Variants in WDR72 observed in about 807,000 individuals in gnomAD.
WDR72 encodes the protein WD repeat-containing protein 72.
In WDR72, 120 loss-of-function variants were observed where a neutral mutation model predicts 124.2. That is an observed-to-expected ratio of 0.97 (90% CI 0.83 to 1.12). The LOEUF is 1.12. Among genes scored for constraint, WDR72 ranks in the 50% most tolerant of loss-of-function variants. The pLI, the probability that WDR72 is intolerant of heterozygous loss-of-function variation, is 0.00. For synonymous variants in WDR72, 452 were observed against 441.7 expected (o/e 1.02, Z -0.29); for missense variants, 1,387 against 1,278.8 (o/e 1.08, Z -1.29).
At chr15:53,746,010 G>GA (rs901139463) in intron 1 of WDR72, among the ~76,000 whole-genome samples, 1 of 152,026 alleles carries the variant, frequency 6.6e-6, no homozygotes, top group Non-Finnish European at 1.5e-5. Flanking sequence ...TCTAAAAAAA[G>GA]AAAAAAATCA....
At chr15:53,565,539 C>A (rs1001094043) in intron 18 of WDR72, among the ~76,000 whole-genome samples, 3 of 151,932 alleles carry the variant, frequency 2.0e-5, no homozygotes, top group Non-Finnish European at 2.9e-5. Context: ...ATACTATGCA[C>A]AGTTCAGCAT....
chr15:53,556,685 A>G (rs1176631992), intron 18 of WDR72, among the ~76,000 whole-genome samples: 3 of 152,130 alleles, frequency 2.0e-5, no homozygotes, highest in Non-Finnish European at 4.4e-5. Flanking sequence ...TCAAAATGCA[A>G]TATCTTGAAT....
Position 53,744,217 on chromosome 15 carries a change from G to A in WDR72, c.-12-11056C>T, listed in dbSNP as rs576349757. Among the ~76,000 whole-genome samples, 177 of 152,228 alleles carry A rather than the reference G, an allele frequency of 1.2e-3. 1 individual carries two copies. The highest frequency in any genetic ancestry group is 1.6e-3 in the Non-Finnish European group (112 of 68,018). On this transcript the variant is annotated intron_variant, in intron 1 of 19. Transcript: ENST00000360509. The stretch of plus-strand genomic sequence containing the variant: ...TATGAAGAGTTTATAGGGGTGAGAG[G>A]AACTGAAACTTTCAACCTGGTGTAT...
At position 53,523,374 on chromosome 15, in the gene WDR72, A is replaced by T. The variant is rs759449235; in HGVS notation, c.3149-52T>A. On this transcript the variant is annotated intron_variant, in intron 18 of 19. Coordinates refer to ENST00000360509, the MANE Select transcript of WDR72 (RefSeq NM_182758.4). ...AGAGACAGAAGAGAGAGGATGAAAA[A>T]GTAGTAGCAAACACCATTAAAACAT... 18 of 1,557,028 alleles carry T rather than the reference A, an allele frequency of 1.2e-5. 1 individual carries two copies. The South Asian group carries it at 1.9e-4, about 16-fold the overall frequency.
chr15:53,700,767 A>AG (rs2017147603), intron 12 of WDR72, among the ~76,000 whole-genome samples: 1 of 151,994 alleles, frequency 6.6e-6, no homozygotes, highest in Non-Finnish European at 1.5e-5. Context: ...AGAAATCGTA[A>AG]GGAAAAAAAA....
At chr15:53,627,836 C>T (rs1162078054) in intron 14 of WDR72, among the ~76,000 whole-genome samples, 1 of 152,038 alleles carries the variant, frequency 6.6e-6, no homozygotes, top group African/African-American at 2.4e-5. Context: ...ATGTTTTTCT[C>T]AATATAAATA....
intron 18 of WDR72, among the ~76,000 whole-genome samples, chr15:53,541,624 C>G (rs1190054763): frequency 6.6e-6 from 1 of 151,770 alleles, no homozygotes; most frequent in African/African-American, 2.4e-5. Flanking sequence ...TCACCAGCAA[C>G]GGAACAAAGC....
At chr15:53,622,586 G>A (rs189090784) in intron 14 of WDR72, among the ~76,000 whole-genome samples, 1 of 152,158 alleles carries the variant, frequency 6.6e-6, no homozygotes, top group East Asian at 1.9e-4. Context: ...AGAACACATG[G>A]ACACAGGAGG....
At chr15:53,726,322 T>G (rs1431715576) in intron 2 of WDR72, among the ~76,000 whole-genome samples, 1 of 77,864 alleles carries the variant, frequency 1.3e-5, no homozygotes, top group Non-Finnish European at 2.2e-5. Context: ...ATGTTAATGG[T>G]GAGGGAGACT....
At chr15:53,689,611 G>T (rs1349984258) in intron 13 of WDR72, among the ~76,000 whole-genome samples, 15 of 144,266 alleles carry the variant, frequency 1.0e-4, no homozygotes, top group African/African-American at 2.4e-4. Context: ...CTTTTACACT[G>T]TTGGTAGGAC....
At chr15:53,619,264 T>TTGTGAGTGTGTGTGTGTGTG (rs2013891568) in intron 14 of WDR72, among the ~76,000 whole-genome samples, 1 of 147,406 alleles carries the variant, frequency 6.8e-6, no homozygotes, top group Non-Finnish European at 1.5e-5. Flanking sequence ...TGCTTTATAA[T>TTGTGAGTGTGTGTGTGTGTG]TGTGTGTGTG....
intron 18 of WDR72, among the ~76,000 whole-genome samples, chr15:53,547,780 A>G (rs1893544795): frequency 6.6e-6 from 1 of 152,158 alleles, no homozygotes; most frequent in South Asian, 2.1e-4. Context: ...TCCTGTGGCC[A>G]TACTGTGGTA....
intron 13 of WDR72, among the ~76,000 whole-genome samples, chr15:53,691,661 AGATAGATAGATAGAT>A (rs938296018): frequency 7.7e-5 from 10 of 130,468 alleles, no homozygotes; most frequent in African/African-American, 3.0e-4. Flanking sequence ...ATAGATAGAT[AGATAGATAGATAGAT>A]GTTTAACAAA....
At chr15:53,686,628 C>T (rs1335392060) in intron 13 of WDR72, among the ~76,000 whole-genome samples, 2 of 149,664 alleles carry the variant, frequency 1.3e-5, no homozygotes, top group East Asian at 2.0e-4. Flanking sequence ...TTTAACACCC[C>T]ACTGTCAACG....
intron 14 of WDR72, among the ~76,000 whole-genome samples, chr15:53,647,646 G>C (rs1451164342): frequency 1.3e-5 from 2 of 152,156 alleles, no homozygotes; most frequent in Admixed American, 1.3e-4. Context: ...TGCTTCATTA[G>C]CTCTGTCTCT....
chr15:53,560,091 A>G (rs911741600), intron 18 of WDR72, among the ~76,000 whole-genome samples: 1 of 151,918 alleles, frequency 6.6e-6, no homozygotes, highest in Non-Finnish European at 1.5e-5. Flanking sequence ...GAAAAAACAG[A>G]GCCAAACAGG....
Position 53,527,096 on chromosome 15 carries a change from G to C in WDR72, c.3149-3774C>G, listed in dbSNP as rs140424313. The stretch of plus-strand genomic sequence containing the variant: ...TAATTCTTCTAGATCCTAAAGAAAT[G>C]AATTGTTTGGCCAAAGAGAAGATGA... On this transcript the variant is annotated intron_variant, in intron 18 of 19. Coordinates refer to ENST00000360509, the MANE Select transcript of WDR72 (RefSeq NM_182758.4). 1.5e-3 allele frequency among the ~76,000 whole-genome samples: 221 copies of C among 152,178 alleles called. 3 individuals are homozygous for C. The highest frequency in any genetic ancestry group is 0.01 in the Admixed American group (156 of 15,274).
intron 14 of WDR72, among the ~76,000 whole-genome samples, chr15:53,654,114 A>G (rs1312741162): frequency 1.3e-5 from 2 of 152,194 alleles, no homozygotes; most frequent in Non-Finnish European, 2.9e-5. Flanking sequence ...ACTTTTAATT[A>G]TAATATGATG....
At chr15:53,636,005 G>T (rs2014609404) in intron 14 of WDR72, among the ~76,000 whole-genome samples, 1 of 152,086 alleles carries the variant, frequency 6.6e-6, no homozygotes, top group African/African-American at 2.4e-5. Flanking sequence ...TTTGCAAGCT[G>T]GGAATACGAT....
Sources: gnomAD v4.1 joint callset for allele counts (sites outside exome capture counted in the v4.1 genomes callset) on GRCh38, gnomAD v4.1.1 for gene constraint, MANE v1.5 for transcripts, NCBI Gene and HGNC (gene_info 2026-07-23, HGNC 2026-07-21) for gene names.